Variants in RUBCN observed in about 807,000 individuals in gnomAD.
The protein encoded by RUBCN is run domain Beclin-1-interacting and cysteine-rich domain-containing protein.
Under a neutral mutation model 113.2 loss-of-function variants are expected in RUBCN, and 74 were observed. The ratio of observed to expected loss-of-function variants is 0.65; its 90% CI spans 0.54 to 0.79. The LOEUF is 0.79. RUBCN is among the 30% of genes least tolerant of loss of function. The pLI, the probability that RUBCN is intolerant of heterozygous loss-of-function variation, is 0.00. For missense variants in RUBCN, 1,109 were observed against 1,251.7 expected (o/e 0.89, Z 1.72); for synonymous variants, 480 against 490.0 (o/e 0.98, Z 0.27).
chr3:197,735,626 C>G (rs539311345), intron 1 of RUBCN, among the ~76,000 whole-genome samples: 150 of 152,304 alleles, frequency 9.8e-4, no homozygotes, highest in Non-Finnish European at 1.9e-3. Context: ...GGGTCTTCCT[C>G]TGTCACCCAG....
Position 197,675,039 on chromosome 3 carries a change from G to A in RUBCN, c.2898C>T (p.Ala966=), listed in dbSNP as rs202195282. ...EEPAEALALE[A]AVLEAT ...TTCTTCAGGTGGCCTCCAGGACGGC[G>A]GCTTCCAGGGCCAGCGCTTCCGCGG... The change falls in exon 20 of 20, where the codon GCC becomes GCT. Residue 966 remains alanine, a synonymous_variant. Coordinates refer to ENST00000296343, the MANE Select transcript of RUBCN (RefSeq NM_014687.4). This position sits in a 1 kb window ranked among gnomAD's most constrained non-coding sequence, Gnocchi z 4.4. The A allele has an allele frequency of 2.7e-3, 4,427 of 1,612,738 alleles. 6 individuals carry two copies. Among genetic ancestry groups the A allele is most frequent in the Non-Finnish European group, 3.3e-3 (3,915 of 1,179,900 alleles).
At position 197,671,439 on chromosome 3, in the gene RUBCN, A is replaced by C. The variant is rs2108816618; in HGVS notation, c.*3579T>G. On this transcript the variant is annotated 3_prime_UTR_variant, in exon 20 of 20. Transcript: ENST00000296343. ...AGTAATGAGAGATTTATTTTAGAGG[A>C]AAACATCCACAGAACTTGATGACAG... is the stretch of plus-strand genomic sequence containing the variant. 1 of 152,358 alleles carries C rather than the reference A, an allele frequency of 6.6e-6. No individual in the cohort carries two copies. Among genetic ancestry groups the C allele is most frequent in the Non-Finnish European group, 1.5e-5 (1 of 68,036 alleles). 9.4% of individuals were successfully genotyped at this position (152,358 alleles called of 1,614,324 possible).
At chr3:197,695,289 T>G (rs980941382) in intron 9 of RUBCN, among the ~76,000 whole-genome samples, 4 of 151,666 alleles carry the variant, frequency 2.6e-5, no homozygotes, top group Admixed American at 1.3e-4. Flanking sequence ...CTCACACCTG[T>G]GAATCCCAGC....
upstream of RUBCN, among the ~76,000 whole-genome samples, chr3:197,741,556 CA>C (rs1728524677): frequency 2.0e-5 from 3 of 152,140 alleles, no homozygotes; most frequent in Admixed American, 2.0e-4. Flanking sequence ...ACTGGCTGGG[CA>C]CAGTGGCTCA....
chr3:197,717,461 G>T (rs1169384986), intron 2 of RUBCN, among the ~76,000 whole-genome samples: 7 of 151,952 alleles, frequency 4.6e-5, no homozygotes, highest in Non-Finnish European at 1.0e-4. Context: ...AAAAGGGGGG[G>T]GCAGAGAGAG....
chr3:197,676,718 T>A, intron 18 of RUBCN, 167 bp downstream of exon 18: 4 of 1,479,500 alleles, frequency 2.7e-6, no homozygotes, highest in Non-Finnish European at 3.6e-6. Context: ...CAGGATGATT[T>A]GGCTGCTCTC....
At chr3:197,704,219 G>A (rs1040350138) in intron 4 of RUBCN, among the ~76,000 whole-genome samples, 2 of 152,214 alleles carry the variant, frequency 1.3e-5, no homozygotes, top group African/African-American at 4.8e-5. Context: ...CAGATCACCT[G>A]AGGTTGGGAG....
intron 1 of RUBCN, among the ~76,000 whole-genome samples, chr3:197,728,664 G>A (rs1432534054): frequency 6.6e-6 from 1 of 152,190 alleles, no homozygotes; most frequent in African/African-American, 2.4e-5. Flanking sequence ...CACTGGGCTA[G>A]GCACTGGTGC....
rs564505451 is a variant in RUBCN at position 197,685,735 on chromosome 3, T to C, written c.1787-1518A>G. ...ATTTCACAACAAAGATGTTCAAGTATATCATGTTTTCTGGCGGAATCTGTG... is the reference window on the plus strand; with the variant it reads ...ATTTCACAACAAAGATGTTCAAGTACATCATGTTTTCTGGCGGAATCTGTG... On this transcript the variant is annotated intron_variant, in intron 11 of 19. Coordinates refer to ENST00000296343, the MANE Select transcript of RUBCN (RefSeq NM_014687.4). 4.3e-4 allele frequency among the ~76,000 whole-genome samples: 66 copies of C among 152,340 alleles called. 1 individual carries two copies. Among genetic ancestry groups the C allele is most frequent in the Middle Eastern group, 3.4e-3 (1 of 294 alleles).
chr3:197,728,654 C>A (rs1727031665), intron 1 of RUBCN, among the ~76,000 whole-genome samples: 1 of 152,160 alleles, frequency 6.6e-6, no homozygotes, highest in South Asian at 2.1e-4. Flanking sequence ...ATATGTCAGG[C>A]ACTGGGCTAG....
chr3:197,715,947 T>G (rs1317363175), intron 2 of RUBCN, among the ~76,000 whole-genome samples: 1 of 152,162 alleles, frequency 6.6e-6, no homozygotes, highest in Non-Finnish European at 1.5e-5. Flanking sequence ...AAATTCTAAT[T>G]CAAAAAGAAT....
intron 2 of RUBCN, among the ~76,000 whole-genome samples, chr3:197,711,264 TTAC>T (rs1470547896): frequency 6.6e-6 from 1 of 152,356 alleles, no homozygotes; most frequent in East Asian, 1.9e-4. Flanking sequence ...ACAAGCACTG[TTAC>T]TAATAGCAAA....
intron 8 of RUBCN, among the ~76,000 whole-genome samples, chr3:197,696,372 C>CAAAA (rs990625896): frequency 3.2e-5 from 4 of 123,738 alleles, no homozygotes; most frequent in South Asian, 2.6e-4. Flanking sequence ...AACTCTGTCT[C>CAAAA]AAAAAAAAAA....
chr3:197,683,492 C>T lies in RUBCN; in HGVS notation c.1848-53G>A, dbSNP rs549536658. On this transcript the variant is annotated intron_variant, in intron 12 of 19. Transcript: ENST00000296343. The surrounding 1 kb of genome is among the most constrained non-coding windows in gnomAD (Gnocchi z 4.6). ...GAACACAGGGAAAGGATGGGCGATG[C>T]GAGGCTTCCCTTCATGATCTCATCC... 5.0e-6 allele frequency: 8 copies of T among 1,605,360 alleles called. No homozygotes were observed. Among genetic ancestry groups the T allele is most frequent in the East Asian group, 2.2e-5 (1 of 44,750 alleles).
intron 1 of RUBCN, 52 bp downstream of exon 1, chr3:197,736,603 C>T: frequency 6.6e-7 from 1 of 1,525,420 alleles, no homozygotes; most frequent in Non-Finnish European, 8.8e-7. Flanking sequence ...CCAAGCCTCC[C>T]GGGGCTCCGG....
Position 197,675,749 on chromosome 3 carries a change from G to A in RUBCN, c.2647-234C>T, listed in dbSNP as rs368869369. Among the ~76,000 whole-genome samples, 26 of 150,476 alleles carry A rather than the reference G, an allele frequency of 1.7e-4. 1 individual carries two copies. Among genetic ancestry groups the A allele is most frequent in the African/African-American group, 6.1e-4 (25 of 40,804 alleles). ...AGCCGGAGAAGCTCCGACCCCCAGC[G>A]CGGCTCTCCATGAAGAGAGGAGAAG... On this transcript the variant is annotated intron_variant, in intron 18 of 19. Coordinates refer to ENST00000296343, the MANE Select transcript of RUBCN (RefSeq NM_014687.4). This position sits in a 1 kb window ranked among gnomAD's most constrained non-coding sequence, Gnocchi z 4.4.
intron 1 of RUBCN, among the ~76,000 whole-genome samples, chr3:197,745,721 A>G (rs189634799): frequency 6.6e-6 from 1 of 152,124 alleles, no homozygotes; most frequent in East Asian, 1.9e-4. Context: ...ATGAAAAAGG[A>G]GCCAGAAAGT....
chr3:197,695,795 A>T (rs1722934043), intron 9 of RUBCN, 71 bp downstream of exon 9: 1 of 1,362,252 alleles, frequency 7.3e-7, no homozygotes, highest in Non-Finnish European at 1.1e-6. Flanking sequence ...TCATCAGAAC[A>T]AATGGCACCA....
chr3:197,709,914 T>TAATC (rs1340108106), intron 2 of RUBCN, among the ~76,000 whole-genome samples: 4 of 151,988 alleles, frequency 2.6e-5, no homozygotes, highest in African/African-American at 9.7e-5. Context: ...CACACCCGTT[T>TAATC]AATCCCAGCA....
Sources: allele counts gnomAD v4.1 joint callset (sites outside exome capture counted in the v4.1 genomes callset), GRCh38; gene constraint gnomAD v4.1.1; non-coding constraint Gnocchi (gnomAD v3.1); transcripts MANE v1.5; gene names NCBI Gene and HGNC (gene_info 2026-07-23, HGNC 2026-07-21).